The following HCRTR2 variants were observed in gnomAD, a reference collection of about 807,000 sequenced individuals.
The protein encoded by HCRTR2 is orexin receptor type 2.
In HCRTR2, 22 loss-of-function variants were observed where a neutral mutation model predicts 49.0. That is an observed-to-expected ratio of 0.45 (90% CI 0.32 to 0.64). HCRTR2 has a LOEUF of 0.64. Among genes scored for constraint, HCRTR2 ranks in the 30% least tolerant of loss-of-function variants. The pLI, the probability that HCRTR2 is intolerant of heterozygous loss-of-function variation, is 0.04. For missense variants in HCRTR2, 491 were observed against 559.4 expected (o/e 0.88, Z 1.23); for synonymous variants, 236 against 205.3 (o/e 1.15, Z -1.28).
chr6:55,111,414 C>A (rs1764047713), intron 1 of HCRTR2, among the ~76,000 whole-genome samples: 1 of 151,678 alleles, frequency 6.6e-6, no homozygotes, highest in South Asian at 2.1e-4. Context: ...GAACATTAGT[C>A]AGATTAACTG....
chr6:55,258,145 T>G (rs1766688011), intron 3 of HCRTR2, among the ~76,000 whole-genome samples: 1 of 152,116 alleles, frequency 6.6e-6, no homozygotes, highest in South Asian at 2.1e-4. Context: ...CAGTGTCATC[T>G]CTCTAAATTC....
chr6:55,225,931 CAA>C (rs1168435865), intron 1 of HCRTR2, among the ~76,000 whole-genome samples: 1 of 152,178 alleles, frequency 6.6e-6, no homozygotes, highest in Admixed American at 6.5e-5. Context: ...AAAACATTTT[CAA>C]AATCTTTTCA....
chr6:55,256,678 CCAAATTAATAGT>C (rs1439574136), intron 3 of HCRTR2, among the ~76,000 whole-genome samples: 1 of 148,622 alleles, frequency 6.7e-6, no homozygotes, highest in Non-Finnish European at 1.5e-5. Context: ...TTCCAATTTT[CCAAATTAATAGT>C]GCAGACAAAA....
At chr6:55,257,069 G>A (rs1032316012) in intron 3 of HCRTR2, among the ~76,000 whole-genome samples, 9 of 152,060 alleles carry the variant, frequency 5.9e-5, no homozygotes, top group Non-Finnish European at 1.2e-4. Flanking sequence ...AGGATGTCCA[G>A]AAAGCAAGAA....
At chr6:55,134,875 T>G (rs1418605445) in intron 1 of HCRTR2, among the ~76,000 whole-genome samples, 1 of 152,050 alleles carries the variant, frequency 6.6e-6, no homozygotes, top group African/African-American at 2.4e-5. Flanking sequence ...ATATGAAATA[T>G]TTTCTTCTTT....
intron 1 of HCRTR2, among the ~76,000 whole-genome samples, chr6:55,182,379 G>A (rs1176864910): frequency 1.3e-5 from 2 of 152,202 alleles, no homozygotes; most frequent in South Asian, 2.1e-4. Flanking sequence ...ACAGCTTCTG[G>A]CTCAAGTACC....
At chr6:55,262,286 T>A (rs1429715282) in intron 3 of HCRTR2, among the ~76,000 whole-genome samples, 2 of 145,366 alleles carry the variant, frequency 1.4e-5, no homozygotes, top group Non-Finnish European at 3.0e-5. Context: ...AATACATACA[T>A]ACAAAAATTC....
In HCRTR2 at chr6:55,128,297, C is replaced by A. The variant is rs1395519898; in HGVS notation, c.-378+21752C>A. Among the ~76,000 whole-genome samples, 15 of 151,982 alleles carry A rather than the reference C, an allele frequency of 9.9e-5. 1 individual carries two copies. The highest frequency in any genetic ancestry group is 7.4e-5 in the Non-Finnish European group (5 of 68,006). ...TTGATCTATGTGTCTGTTTATGTAC[C>A]AGTACCATGCTGTTTTGGTTATTGT... On this transcript the variant is annotated intron_variant, in intron 1 of 7. Transcript: ENST00000615358.
intron 3 of HCRTR2, among the ~76,000 whole-genome samples, chr6:55,255,928 G>A (rs9382473): frequency 0.17 from 26,329 of 152,058 alleles, 2,779 homozygotes; most frequent in Non-Finnish European, 0.24. Context: ...ATTGCTACTC[G>A]CATAATTATT....
At chr6:55,160,324 C>G (rs1005625796) in intron 1 of HCRTR2, among the ~76,000 whole-genome samples, 1 of 152,164 alleles carries the variant, frequency 6.6e-6, no homozygotes. Flanking sequence ...CTTACAAGAG[C>G]TCCCGAAGGA....
In HCRTR2 at chr6:55,110,422, A is replaced by T. The variant is rs184452798; in HGVS notation, c.-378+3877A>T. Among the ~76,000 whole-genome samples, 25 of 152,278 alleles carry T rather than the reference A, an allele frequency of 1.6e-4. No individual in the cohort carries two copies. The East Asian group carries it at 4.1e-3, about 25-fold the overall frequency. ...ATGGCCTAAAGGCTCTACTTAAAAG[A>T]TACAGAATGGGAGAATGGATAAAAA... On this transcript the variant is annotated intron_variant, in intron 1 of 7. Coordinates refer to the HCRTR2 transcript ENST00000615358.
At chr6:55,152,029 C>T (rs1490479862) in intron 1 of HCRTR2, among the ~76,000 whole-genome samples, 1 of 151,950 alleles carries the variant, frequency 6.6e-6, no homozygotes, top group Non-Finnish European at 1.5e-5. Context: ...AGCAGACCTG[C>T]TGCCATCCAG....
chr6:55,181,129 C>T (rs1181882583), intron 1 of HCRTR2, among the ~76,000 whole-genome samples: 3 of 149,506 alleles, frequency 2.0e-5, no homozygotes, highest in Non-Finnish European at 4.5e-5. Context: ...TTCTATATCA[C>T]CGGACAGTGT....
chr6:55,109,443 G>T (rs1055139477), intron 1 of HCRTR2, among the ~76,000 whole-genome samples: 21 of 151,912 alleles, frequency 1.4e-4, no homozygotes, highest in Non-Finnish European at 2.9e-4. Context: ...CCAGAGAAAG[G>T]TGAATACCAA....
At chr6:55,268,818 C>T (rs940317320) in intron 4 of HCRTR2, among the ~76,000 whole-genome samples, 2 of 151,976 alleles carry the variant, frequency 1.3e-5, no homozygotes, top group Admixed American at 6.6e-5. Flanking sequence ...AGGCAGGGTG[C>T]GGTGGCTCAC....
intron 1 of HCRTR2, among the ~76,000 whole-genome samples, chr6:55,224,610 G>C (rs1020777263): frequency 6.8e-6 from 1 of 147,366 alleles, no homozygotes; most frequent in African/African-American, 2.6e-5. Flanking sequence ...GCTACAGAAC[G>C]AGACTCCGTC....
At chr6:55,270,170 G>A (rs1377834301) in intron 4 of HCRTR2, among the ~76,000 whole-genome samples, 2 of 152,152 alleles carry the variant, frequency 1.3e-5, no homozygotes, top group African/African-American at 2.4e-5. Context: ...ATTAAATGAT[G>A]TGGTACTAGT....
chr6:55,266,560 G>A (rs1381814163), intron 4 of HCRTR2, among the ~76,000 whole-genome samples: 1 of 152,028 alleles, frequency 6.6e-6, no homozygotes, highest in African/African-American at 2.4e-5. Flanking sequence ...AGATTTTGTT[G>A]GGGAATGTTC....
chr6:55,269,350 G>A (rs1172144724), intron 4 of HCRTR2, among the ~76,000 whole-genome samples: 1 of 151,790 alleles, frequency 6.6e-6, no homozygotes, highest in Non-Finnish European at 1.5e-5. Context: ...AGGGCAAACA[G>A]GCAAGAGATA....
Sources: gnomAD v4.1 joint callset for allele counts (sites outside exome capture counted in the v4.1 genomes callset) on GRCh38, gnomAD v4.1.1 for gene constraint, MANE v1.5 for transcripts, NCBI Gene and HGNC (gene_info 2026-07-23, HGNC 2026-07-21) for gene names.